ABCC11: variants seen among roughly 807,000 people sequenced by gnomAD.
ABCC11 encodes the protein ATP binding cassette subfamily C member 11.
A neutral mutation model predicts 149.3 loss-of-function variants in ABCC11; 135 were observed. That is an observed-to-expected ratio of 0.90 (90% confidence interval 0.79 to 1.04). The LOEUF (loss-of-function observed/expected upper bound fraction) is 1.04, where lower values mean the gene tolerates loss of function less well. ABCC11 is among the 50% of genes least tolerant of loss of function. ABCC11 has a pLI of 0.00. For missense variants in ABCC11, 1,680 were observed against 1,722.1 expected (o/e 0.98, Z 0.43); for synonymous variants, 665 against 671.4 (o/e 0.99, Z 0.15).
intron 19 of ABCC11, among the ~76,000 whole-genome samples, 172 bp downstream of exon 19, chr16:48,193,707 C>T (rs1967123540): frequency 6.6e-6 from 1 of 152,174 alleles, no homozygotes; most frequent in South Asian, 2.1e-4. Flanking sequence ...GAGGCCTGTG[C>T]CAGGGGAACC....
intron 19 of ABCC11, among the ~76,000 whole-genome samples, chr16:48,193,175 A>G (rs751122851): frequency 1.6e-4 from 25 of 152,194 alleles, no homozygotes. Context: ...ACTTCAGTTC[A>G]GCTGAGATCC....
At chr16:48,194,076 TG>T in intron 18 of ABCC11, 94 bp from the exon 19 acceptor site, 1 of 890,224 alleles carries the variant, frequency 1.1e-6, no homozygotes, top group East Asian at 2.6e-5. Context: ...TTTGAGTGCT[TG>T]GAAACCCTTG....
chr16:48,191,528 G>A (rs1445843750), intron 20 of ABCC11, among the ~76,000 whole-genome samples: 1 of 152,162 alleles, frequency 6.6e-6, no homozygotes, highest in East Asian at 1.9e-4. Flanking sequence ...GCAGGTATAT[G>A]AGAACTCTCT....
At chr16:48,247,103 C>T (rs1343973426) in intron 1 of ABCC11, among the ~76,000 whole-genome samples, 1 of 152,306 alleles carries the variant, frequency 6.6e-6, no homozygotes, top group Non-Finnish European at 1.5e-5. Flanking sequence ...ATCTAGTTAT[C>T]CTAGAAGTAT....
intron 20 of ABCC11, among the ~76,000 whole-genome samples, chr16:48,188,093 T>A (rs1966841578): frequency 6.6e-6 from 1 of 152,176 alleles, no homozygotes; most frequent in African/African-American, 2.4e-5. Flanking sequence ...TGTCCCTTAA[T>A]CTACATGTAA....
chr16:48,214,687 G>A (rs1406227523), intron 9 of ABCC11, among the ~76,000 whole-genome samples, 194 bp downstream of exon 9: 1 of 152,152 alleles, frequency 6.6e-6, no homozygotes, highest in Non-Finnish European at 1.5e-5. Flanking sequence ...CCCGCCCACA[G>A]GGCTATCCAA....
intron 13 of ABCC11, among the ~76,000 whole-genome samples, chr16:48,204,443 G>A (rs1968259004): frequency 6.6e-6 from 1 of 152,208 alleles, no homozygotes; most frequent in Admixed American, 6.5e-5. Context: ...CAAGAGATAT[G>A]TAGGAGACAG....
intron 1 of ABCC11, among the ~76,000 whole-genome samples, chr16:48,243,386 A>G (rs1270481461): frequency 7.0e-6 from 1 of 143,046 alleles, no homozygotes; most frequent in African/African-American, 2.7e-5. Context: ...TGGGTGACAG[A>G]GCGAGACTCC....
chr16:48,186,797 T>C (rs942132772), intron 22 of ABCC11, among the ~76,000 whole-genome samples, 156 bp downstream of exon 22: 1 of 152,212 alleles, frequency 6.6e-6, no homozygotes, highest in African/African-American at 2.4e-5. Flanking sequence ...GAAAGAATGG[T>C]TCAGCAGGTT....
At position 48,170,891 on chromosome 16, in the gene ABCC11, C is replaced by A. The variant is rs748329065; in HGVS notation, c.3775G>T (p.Ala1259Ser). The stretch of plus-strand genomic sequence containing the variant: ...ACTTGGGCCTTGGAGCTACTTACGG[C>A]CTTGGTCAGGAATGTCCTCTCCAAG... Reference protein sequence around the residue: ...DALERTFLTKAISKFPKKLHT... With the variant: ...DALERTFLTKSISKFPKKLHT... Residue 1259 changes from alanine to serine, a missense_variant and splice_region_variant, in exon 27 of 30, where the codon GCC (alanine) becomes TCC (serine). Transcript: ENST00000356608. 51 of 1,613,088 alleles carry A rather than the reference C, an allele frequency of 3.2e-5. No individual in the cohort carries two copies. The highest frequency in any genetic ancestry group is 4.3e-5 in the Non-Finnish European group (51 of 1,179,068).
intron 11 of ABCC11, chr16:48,210,597 T>C (rs563266165): frequency 9.0e-6 from 2 of 221,902 alleles, no homozygotes; most frequent in Non-Finnish European, 1.8e-5. Flanking sequence ...ATAACCAAAT[T>C]CAAACACAGG....
rs746872740 is a variant in ABCC11, at chr16:48,187,257, A to G, written c.2877T>C (p.Ser959=). 1 of 1,614,212 alleles carries G rather than the reference A, an allele frequency of 6.2e-7. No individual in the cohort carries two copies. Among genetic ancestry groups the G allele is most frequent in the South Asian group, 1.1e-5 (1 of 91,088 alleles). Residue 959 remains serine (S), a synonymous_variant, in exon 21 of 30, where the codon TCT becomes TCC. Coordinates refer to ENST00000356608, the MANE Select transcript of ABCC11 (RefSeq NM_001370497.1). ...IAVLLIVSVL[S]PYILLMGAII... is the part of the protein sequence containing the mutation. The stretch of plus-strand genomic sequence containing the variant: ...TGGCTCCCATTAACAGGATATATGG[A>G]GACAGCACACTGACAATCAACAGGA...
Position 48,224,379 on chromosome 16 carries a change from G to GCTT in ABCC11, c.443_445dup (p.Lys148_Ala149insGlu). On this transcript the variant is annotated inframe_insertion, in exon 5 of 30. Coordinates refer to ENST00000356608, the MANE Select transcript of ABCC11 (RefSeq NM_001370497.1). ...CCTCAGCATCACCAGAAGCACTGAAGCTTTTTCAATCCCTCGCCTTGAGAC... is the reference window on the plus strand; with the variant it reads ...CCTCAGCATCACCAGAAGCACTGAAGCTTCTTTTTCAATCCCTCGCCTTGAGAC... 6.2e-7 allele frequency: 1 copy of GCTT among 1,614,172 alleles called. No homozygotes were observed. Among genetic ancestry groups the GCTT allele is most frequent in the Non-Finnish European group, 8.5e-7 (1 of 1,180,018 alleles).
intron 23 of ABCC11, among the ~76,000 whole-genome samples, chr16:48,182,753 A>G (rs1966522881): frequency 6.6e-6 from 1 of 151,132 alleles, no homozygotes; most frequent in South Asian, 2.1e-4. Context: ...ACTGCACTCC[A>G]GCCTGGGCAA....
At chr16:48,206,366 C>T (rs1040539373) in intron 12 of ABCC11, among the ~76,000 whole-genome samples, 1 of 152,070 alleles carries the variant, frequency 6.6e-6, no homozygotes, top group Admixed American at 6.5e-5. Flanking sequence ...GGTAAATATG[C>T]AAAAACTATC....
rs1002422405 is a variant in ABCC11 at position 48,214,770 on chromosome 16, A to G, written c.1248+111T>C. 6 of 1,376,494 alleles carry G rather than the reference A, an allele frequency of 4.4e-6. No homozygotes were observed. The African/African-American group carries it at 7.3e-5, about 17-fold the overall frequency. The allele number at this position is 1,376,494 out of a possible 1,614,324, so 85.3% of individuals were successfully genotyped here. On this transcript the variant is annotated intron_variant, in intron 9 of 29. Coordinates refer to ENST00000356608, the MANE Select transcript of ABCC11 (RefSeq NM_001370497.1). ...TTGTCTGGAAAATCAAAATCAACAT[A>G]TAATGTCCATTTACAAAGCCTTCAG...
In ABCC11 at chr16:48,230,359, G is replaced by T. The variant is rs1970347704; in HGVS notation, c.236+78C>A. 2.8e-6 allele frequency: 4 copies of T among 1,449,880 alleles called. No individual in the cohort carries two copies. In the South Asian group the frequency reaches 6.2e-5, roughly 22 times the overall value. The allele number at this position is 1,449,880 out of a possible 1,614,324, so 89.8% of individuals were successfully genotyped here. A position where few individuals can be genotyped will look rare whatever the true frequency, so the allele number is the denominator to read the frequency against. On this transcript the variant is annotated intron_variant, in intron 3 of 29. Transcript: ENST00000356608. ...AGGGATGTAGTTATGCAACCTTCGTGAGAGGTCTAGTTGGGAGGGTTGGGG... is the reference window on the plus strand; with the variant it reads ...AGGGATGTAGTTATGCAACCTTCGTTAGAGGTCTAGTTGGGAGGGTTGGGG...
chr16:48,208,827 T>C (rs1873608612), intron 11 of ABCC11, among the ~76,000 whole-genome samples: 1 of 152,180 alleles, frequency 6.6e-6, no homozygotes, highest in African/African-American at 2.4e-5. Flanking sequence ...CCTCAGTTTC[T>C]CCATTTGTGA....
At chr16:48,218,991 A>G (rs551244211) in intron 6 of ABCC11, among the ~76,000 whole-genome samples, 1 of 152,330 alleles carries the variant, frequency 6.6e-6, no homozygotes, top group Non-Finnish European at 1.5e-5. Context: ...ACAAAGATGT[A>G]GTATCATTGA....
Sources: allele counts gnomAD v4.1 joint callset (sites outside exome capture counted in the v4.1 genomes callset), GRCh38; gene constraint gnomAD v4.1.1; transcripts MANE v1.5; gene names NCBI Gene and HGNC (gene_info 2026-07-23, HGNC 2026-07-21).